The following STAM variants were observed in gnomAD, a reference collection of about 807,000 sequenced individuals.
STAM encodes signal transducing adaptor molecule.
A neutral mutation model predicts 63.4 loss-of-function variants in STAM; 16 were observed. The observed-to-expected ratio is 0.25, with a 90% confidence interval of 0.17 to 0.38. The LOEUF (loss-of-function observed/expected upper bound fraction) is 0.38. STAM is among the 10% of genes least tolerant of loss of function. The probability of loss-of-function intolerance (pLI) is 1.00; values close to 1 mark genes in which losing one functional copy is unlikely to be tolerated. For synonymous variants in STAM, 238 were observed against 223.9 expected, an observed-to-expected ratio of 1.06 and a Z score of -0.56; for missense variants, 636 against 657.1, an observed-to-expected ratio of 0.97 and a Z score of 0.35.
chr10:17,706,667 T>C (rs918425119), intron 12 of STAM, among the ~76,000 whole-genome samples: 7 of 152,102 alleles, frequency 4.6e-5, no homozygotes, highest in South Asian at 2.1e-4. Flanking sequence ...GTGTGAGCCA[T>C]CGCGCCCGGC....
At chr10:17,683,469 T>C (rs546381781) in intron 2 of STAM, among the ~76,000 whole-genome samples, 4 of 152,284 alleles carry the variant, frequency 2.6e-5, no homozygotes, top group Admixed American at 2.0e-4. Context: ...AGCTATTTTA[T>C]TTTCATTTTT....
intron 1 of STAM, among the ~76,000 whole-genome samples, chr10:17,645,372 T>G (rs1248627274): frequency 6.6e-6 from 1 of 152,326 alleles, no homozygotes; most frequent in East Asian, 1.9e-4. Context: ...GGATGTTGAA[T>G]TTTTCTTTTT....
chr10:17,666,225 A>G (rs1394091805), intron 2 of STAM, among the ~76,000 whole-genome samples: 1 of 152,196 alleles, frequency 6.6e-6, no homozygotes, highest in Non-Finnish European at 1.5e-5. Context: ...GGAAAACATC[A>G]TGTAACTTTT....
At position 17,684,825 on chromosome 10, in the gene STAM, C is replaced by T; in HGVS notation, c.202-7C>T. On this transcript the variant is annotated splice_region_variant and splice_polypyrimidine_tract_variant and intron_variant, in intron 3 of 13. Coordinates refer to ENST00000377524, the MANE Select transcript of STAM (RefSeq NM_003473.4). Reference sequence around the variant, plus strand: ...AGCCCCTTTAACTTCTGATTTTGTGCTTTTAGCTTCTAGGAGCATGTGTAT... The same window carrying T: ...AGCCCCTTTAACTTCTGATTTTGTGTTTTTAGCTTCTAGGAGCATGTGTAT... The T allele has an allele frequency of 6.2e-7, 1 of 1,613,768 alleles. No homozygotes were observed. Among genetic ancestry groups the T allele is most frequent in the South Asian group, 1.1e-5 (1 of 91,020 alleles).
rs1833719755 is a variant in STAM, at chr10:17,651,038, C to A, written c.40+6659C>A. Among the ~76,000 whole-genome samples, 6 of 133,104 alleles carry A rather than the reference C, an allele frequency of 4.5e-5. No individual in the cohort carries two copies. The South Asian group carries it at 1.4e-3, about 32-fold the overall frequency. 87.3% of individuals were successfully genotyped at this position (133,104 alleles called of 152,430 possible). A position where few individuals can be genotyped will look rare whatever the true frequency, so the allele number is the denominator to read the frequency against. On this transcript the variant is annotated intron_variant, in intron 1 of 13. Transcript: ENST00000377524. ...CAAGATCACACCACTGCATTCCAGC[C>A]TTGGTGACAGAGCGAGAGTCCGTCT...
chr10:17,693,852 C>G (rs567265994), intron 6 of STAM, among the ~76,000 whole-genome samples: 4 of 152,034 alleles, frequency 2.6e-5, no homozygotes, highest in Non-Finnish European at 5.9e-5. Context: ...ATTGTTGGAT[C>G]ATGGCATTGG....
intron 5 of STAM, among the ~76,000 whole-genome samples, chr10:17,689,439 T>A (rs1269801301): frequency 4.6e-5 from 7 of 152,198 alleles, no homozygotes; most frequent in African/African-American, 1.7e-4. Flanking sequence ...CTCAAAAATG[T>A]ATCTGGGAGA....
intron 2 of STAM, among the ~76,000 whole-genome samples, chr10:17,667,382 A>G (rs1203782619): frequency 3.3e-5 from 5 of 152,158 alleles, no homozygotes; most frequent in Admixed American, 1.3e-4. Flanking sequence ...TCAGCCTCCC[A>G]AAGTGCTGGT....
At chr10:17,654,501 C>T (rs182497475) in intron 1 of STAM, among the ~76,000 whole-genome samples, 161 of 152,228 alleles carry the variant, frequency 1.1e-3, no homozygotes, top group Admixed American at 1.2e-3. Context: ...GGATTACAGG[C>T]GTGGGTCACC....
At chr10:17,649,487 C>G (rs1344503966) in intron 1 of STAM, among the ~76,000 whole-genome samples, 3 of 151,432 alleles carry the variant, frequency 2.0e-5, no homozygotes, top group African/African-American at 7.3e-5. Context: ...ACTTAGTGAC[C>G]TGACATTAAT....
At chr10:17,684,365 C>A (rs1267334119) in intron 2 of STAM, among the ~76,000 whole-genome samples, 3 of 151,598 alleles carry the variant, frequency 2.0e-5, no homozygotes, top group Non-Finnish European at 4.4e-5. Context: ...TAAGTCTGGT[C>A]TGTTTTTCCA....
chr10:17,665,024 C>CT (rs1408978819), intron 2 of STAM, among the ~76,000 whole-genome samples: 4 of 151,738 alleles, frequency 2.6e-5, no homozygotes, highest in African/African-American at 9.7e-5. Flanking sequence ...CTTTTGGCTT[C>CT]TTTTTTTAAA....
At chr10:17,654,023 C>T (rs1158641732) in intron 1 of STAM, among the ~76,000 whole-genome samples, 2 of 152,044 alleles carry the variant, frequency 1.3e-5, no homozygotes, top group Non-Finnish European at 2.9e-5. Flanking sequence ...TGCCTGGGGA[C>T]CCCAGAGCTT....
intron 7 of STAM, among the ~76,000 whole-genome samples, chr10:17,695,523 A>G (rs984884476): frequency 6.6e-6 from 1 of 152,194 alleles, no homozygotes. Context: ...TACATTATTT[A>G]AAAGGTTACA....
intron 9 of STAM, among the ~76,000 whole-genome samples, chr10:17,702,653 C>T (rs1245580497): frequency 6.6e-6 from 1 of 152,146 alleles, no homozygotes; most frequent in Non-Finnish European, 1.5e-5. Flanking sequence ...CTGTGGAAGA[C>T]TGTGCTAAGG....
chr10:17,680,960 G>A (rs1366755270), intron 2 of STAM, among the ~76,000 whole-genome samples: 1 of 152,160 alleles, frequency 6.6e-6, no homozygotes. Flanking sequence ...GACCCTGCCT[G>A]CTTTCAGTCC....
At chr10:17,647,753 T>G (rs1833574879) in intron 1 of STAM, among the ~76,000 whole-genome samples, 1 of 152,204 alleles carries the variant, frequency 6.6e-6, no homozygotes, top group African/African-American at 2.4e-5. Flanking sequence ...TTAGAAAAAT[T>G]TCTGTACTTT....
At position 17,704,963 on chromosome 10, in the gene STAM, A is replaced by G; in HGVS notation, c.1001-7A>G. 6.2e-7 allele frequency: 1 copy of G among 1,610,216 alleles called. No homozygotes were observed. Among genetic ancestry groups the G allele is most frequent in the Non-Finnish European group, 8.5e-7 (1 of 1,178,218 alleles). On this transcript the variant is annotated splice_region_variant and splice_polypyrimidine_tract_variant and intron_variant, in intron 10 of 13. Coordinates refer to ENST00000377524, the MANE Select transcript of STAM (RefSeq NM_003473.4). ...TTCTTATATTTCTTCACATCTTGTC[A>G]TTTTAGCAATGTGTCACCAGATGGG...
chr10:17,702,419 G>T (rs1417965057), intron 9 of STAM, among the ~76,000 whole-genome samples: 26 of 152,168 alleles, frequency 1.7e-4, no homozygotes, highest in Admixed American at 1.7e-3. Flanking sequence ...TGGTAATGGT[G>T]AGTGCAGATT....
Sources: allele counts gnomAD v4.1 joint callset (sites outside exome capture counted in the v4.1 genomes callset), GRCh38; gene constraint gnomAD v4.1.1; transcripts MANE v1.5; gene names NCBI Gene and HGNC (gene_info 2026-07-23, HGNC 2026-07-21).